The following ZFAT variants were observed in gnomAD, a reference collection of about 807,000 sequenced individuals.
The protein encoded by ZFAT is zinc finger protein ZFAT.
In ZFAT, 64 loss-of-function variants were observed where a neutral mutation model predicts 117.7. The ratio of observed to expected loss-of-function variants is 0.54; its 90% confidence interval spans 0.44 to 0.67. ZFAT has a LOEUF of 0.67. Among genes scored for constraint, ZFAT ranks in the 30% least tolerant of loss-of-function variants. The pLI, the probability that ZFAT is intolerant of heterozygous loss-of-function variation, is 0.00. For missense variants in ZFAT, 1,433 were observed against 1,584.5 expected (o/e 0.90, Z 1.62); for synonymous variants, 679 against 615.0 (o/e 1.10, Z -1.54).
intron 12 of ZFAT, among the ~76,000 whole-genome samples, chr8:134,522,965 T>G (rs1331235386): frequency 6.6e-6 from 1 of 152,224 alleles, no homozygotes; most frequent in Non-Finnish European, 1.5e-5. Flanking sequence ...CCTCTGCTCC[T>G]GCCTATGCCT....
intron 13 of ZFAT, among the ~76,000 whole-genome samples, chr8:134,516,715 A>G (rs1820279546): frequency 6.6e-6 from 1 of 152,018 alleles, no homozygotes; most frequent in South Asian, 2.1e-4. Context: ...CTATAATCCT[A>G]TCTACTTGGA....
chr8:134,626,485 ACACAGTGCCC>A (rs1829521893), intron 3 of ZFAT, among the ~76,000 whole-genome samples: 1 of 152,246 alleles, frequency 6.6e-6, no homozygotes, highest in Admixed American at 6.5e-5. Context: ...CAGAGCAGAG[ACACAGTGCCC>A]CACACAGCAG....
At chr8:134,755,210 C>T in the ZFAT span, among the ~76,000 whole-genome samples, 2 of 148,470 alleles carry the variant, frequency 1.3e-5, no homozygotes, top group Admixed American at 1.3e-4. Flanking sequence ...TCAAGACCAG[C>T]CTGGGCAACA....
At chr8:134,621,726 A>C (rs1226328964) in intron 3 of ZFAT, among the ~76,000 whole-genome samples, 1 of 152,198 alleles carries the variant, frequency 6.6e-6, no homozygotes, top group Non-Finnish European at 1.5e-5. Flanking sequence ...AAAGTGAATG[A>C]GCTCCCTGCC....
At chr8:134,508,620 C>G (rs1425270082) in intron 15 of ZFAT, among the ~76,000 whole-genome samples, 2 of 152,220 alleles carry the variant, frequency 1.3e-5, no homozygotes, top group Non-Finnish European at 2.9e-5. Flanking sequence ...CCTTGCTTTA[C>G]TTTTCTCCTG....
chr8:134,539,669 A>C (rs764883968), intron 11 of ZFAT, among the ~76,000 whole-genome samples: 8 of 152,222 alleles, frequency 5.3e-5, no homozygotes, highest in African/African-American at 9.6e-5. Flanking sequence ...GAAAAAGGCC[A>C]TGTAATGGTT....
At chr8:134,539,077 C>A (rs1006729483) in intron 11 of ZFAT, among the ~76,000 whole-genome samples, 1 of 152,210 alleles carries the variant, frequency 6.6e-6, no homozygotes, top group South Asian at 2.1e-4. Context: ...TAGAAGAGGA[C>A]AGGGAATATA....
At chr8:134,513,322 C>G (rs532268939) in intron 13 of ZFAT, among the ~76,000 whole-genome samples, 1 of 152,092 alleles carries the variant, frequency 6.6e-6, no homozygotes, top group Middle Eastern at 3.2e-3. Flanking sequence ...CTCAGCCTCC[C>G]GAGTGCCTGG....
chr8:134,721,444 C>T, the ZFAT span, among the ~76,000 whole-genome samples: 3 of 152,324 alleles, frequency 2.0e-5, no homozygotes, highest in South Asian at 4.1e-4. Flanking sequence ...GAGGAGCTCA[C>T]AGGCTGACGG....
chr8:134,635,080 G>A (rs143854017), intron 3 of ZFAT, among the ~76,000 whole-genome samples: 2 of 152,298 alleles, frequency 1.3e-5, no homozygotes, highest in African/African-American at 2.4e-5. Context: ...GGTAATGCTC[G>A]CTCACCAACC....
the ZFAT span, among the ~76,000 whole-genome samples, chr8:134,829,301 T>TA: frequency 1.3e-5 from 2 of 152,250 alleles, no homozygotes; most frequent in Non-Finnish European, 2.9e-5. Flanking sequence ...ATGCATTTGA[T>TA]GTGTGGCCCA....
intron 15 of ZFAT, among the ~76,000 whole-genome samples, chr8:134,501,587 C>T (rs954027684): frequency 1.3e-5 from 2 of 152,080 alleles, no homozygotes; most frequent in Non-Finnish European, 2.9e-5. Flanking sequence ...GGTTCCATTA[C>T]GGTGCGAGAG....
the ZFAT span, among the ~76,000 whole-genome samples, chr8:134,786,840 CT>C: frequency 0.27 from 36,367 of 136,840 alleles, 4,452 homozygotes; most frequent in African/African-American, 0.42. Context: ...TGATATCAAG[CT>C]TTTTTTTTTT....
chr8:134,582,525 C>T (rs1484975202), intron 10 of ZFAT, among the ~76,000 whole-genome samples: 2 of 152,266 alleles, frequency 1.3e-5, no homozygotes, highest in East Asian at 1.9e-4. Context: ...TCATAAAAAA[C>T]TACATGACTT....
At chr8:134,670,538 T>C (rs1396385502) in intron 1 of ZFAT, among the ~76,000 whole-genome samples, 3 of 152,246 alleles carry the variant, frequency 2.0e-5, no homozygotes, top group African/African-American at 7.2e-5. Context: ...GAAATAAAGA[T>C]GTTCTTTGAA....
chr8:134,641,846 C>T (rs1256090678), intron 2 of ZFAT, among the ~76,000 whole-genome samples: 1 of 152,230 alleles, frequency 6.6e-6, no homozygotes, highest in Non-Finnish European at 1.5e-5. Context: ...GGACAACTTC[C>T]TCTTAGTCAG....
At chr8:134,616,870 G>A (rs1828781605) in intron 3 of ZFAT, among the ~76,000 whole-genome samples, 1 of 152,138 alleles carries the variant, frequency 6.6e-6, no homozygotes, top group African/African-American at 2.4e-5. Flanking sequence ...GACAATTGAT[G>A]AATCTCCCTA....
intron 3 of ZFAT, among the ~76,000 whole-genome samples, chr8:134,635,253 T>G (rs1201144200): frequency 6.6e-6 from 1 of 152,204 alleles, no homozygotes. Flanking sequence ...GGGTCTGTGC[T>G]GTTGACTTTG....
intron 9 of ZFAT, among the ~76,000 whole-genome samples, chr8:134,587,030 G>C (rs1024283011): frequency 6.6e-6 from 1 of 152,196 alleles, no homozygotes; most frequent in Non-Finnish European, 1.5e-5. Context: ...AGAGTGCTCA[G>C]GGCATAGGAC....
Sources: allele counts gnomAD v4.1 joint callset (sites outside exome capture counted in the v4.1 genomes callset), GRCh38; gene constraint gnomAD v4.1.1; transcripts MANE v1.5; gene names NCBI Gene and HGNC (gene_info 2026-07-23, HGNC 2026-07-21).